Variants in P2RY6 observed in about 807,000 individuals in gnomAD.
The protein encoded by P2RY6 is pyrimidinergic receptor P2Y6, also known as P2Y purinoceptor 6.
P2RY6 carries 19 observed loss-of-function variants against 16.3 expected under a neutral mutation model. That is an observed-to-expected ratio of 1.16 (90% CI 0.81 to 1.71). P2RY6 has a LOEUF of 1.71. P2RY6 is among the 40% of genes most tolerant of loss of function. P2RY6 has a pLI of 0.00. For synonymous variants in P2RY6, 184 were observed against 201.5 expected, an observed-to-expected ratio of 0.91 and a Z score of 0.74; for missense variants, 389 against 455.5, an observed-to-expected ratio of 0.85 and a Z score of 1.33.
At chr11:73,268,314 C>T (rs1248434478), upstream of P2RY6, among the ~76,000 whole-genome samples, 1 of 152,198 alleles carries the variant, frequency 6.6e-6, no homozygotes, top group Non-Finnish European at 1.5e-5. Flanking sequence ...GGGAAAACCT[C>T]TGTGGCTCAG....
intron 1 of P2RY6, among the ~76,000 whole-genome samples, chr11:73,277,116 ATTT>A (rs11354080): frequency 6.9e-6 from 1 of 145,930 alleles, no homozygotes. Context: ...AGAAATACAG[ATTT>A]TTTTTTTTTT....
chr11:73,297,433 G>A lies in P2RY6; in HGVS notation c.915G>A (p.Gln305=), dbSNP rs754771310. ...VLDPILFYFT[Q]KKFRRRPHEL... ...ACCCCATCCTCTTCTACTTCACCCA[G>A]AAGAAGTTCCGCCGGCGACCACATG... The change falls in exon 3 of 3, where the codon CAG becomes CAA. Residue 305 remains glutamine, a synonymous_variant. Transcript: ENST00000540124. 1 of 1,612,580 alleles carries A rather than the reference G, an allele frequency of 6.2e-7. No individual in the cohort carries two copies. Among genetic ancestry groups the A allele is most frequent in the Admixed American group, 1.7e-5 (1 of 60,028 alleles).
chr11:73,287,189 G>A (rs529572913), intron 1 of P2RY6, among the ~76,000 whole-genome samples: 3 of 152,304 alleles, frequency 2.0e-5, no homozygotes, highest in Non-Finnish European at 2.9e-5. Flanking sequence ...CAGTATCTCC[G>A]TCGCCCAGGA....
chr11:73,276,978 C>T (rs1461825887), intron 1 of P2RY6, among the ~76,000 whole-genome samples: 2 of 152,126 alleles, frequency 1.3e-5, no homozygotes, highest in Non-Finnish European at 2.9e-5. Flanking sequence ...CTGTGAGTTT[C>T]CTGGCAGCTG....
chr11:73,297,386 G>A lies in P2RY6; in HGVS notation c.868G>A (p.Ala290Thr). 6.2e-7 allele frequency: 1 copy of A among 1,612,250 alleles called. No individual in the cohort carries two copies. Among genetic ancestry groups the A allele is most frequent in the Non-Finnish European group, 8.5e-7 (1 of 1,180,036 alleles). The change falls in exon 3 of 3, where the codon GCC becomes ACC. Residue 290 changes from alanine to threonine, a missense_variant. Coordinates refer to ENST00000540124, the MANE Select transcript of P2RY6 (RefSeq NM_001277204.2). ...AAAYKGTRPF[A>T]SANSVLDPIL... ...GGCCTACAAAGGCACGCGGCCGTTTGCCAGTGCCAACAGCGTGCTGGACCC... is the reference window on the plus strand; with the variant it reads ...GGCCTACAAAGGCACGCGGCCGTTTACCAGTGCCAACAGCGTGCTGGACCC...
intron 1 of P2RY6, among the ~76,000 whole-genome samples, chr11:73,276,842 A>G (rs1442432223): frequency 1.3e-5 from 2 of 152,218 alleles, no homozygotes; most frequent in East Asian, 3.9e-4. Context: ...GTCCACTTTG[A>G]AAGGCTGAAT....
At chr11:73,281,205 T>G (rs1039493764) in intron 1 of P2RY6, among the ~76,000 whole-genome samples, 1 of 152,168 alleles carries the variant, frequency 6.6e-6, no homozygotes, top group Non-Finnish European at 1.5e-5. Context: ...GGCCAGTAAC[T>G]ATGTCTGCTA....
chr11:73,289,391 C>T (rs958333716), intron 1 of P2RY6: 2 of 152,048 alleles, frequency 1.3e-5, no homozygotes, highest in African/African-American at 2.4e-5. Flanking sequence ...CTGACCCTGT[C>T]GTCCCTGCCA....
intron 1 of P2RY6, among the ~76,000 whole-genome samples, chr11:73,280,170 A>C (rs1028594113): frequency 3.3e-5 from 5 of 152,096 alleles, no homozygotes; most frequent in Admixed American, 6.5e-5. Context: ...GGCTAAGAAT[A>C]TGCACTCTGG....
upstream of P2RY6, among the ~76,000 whole-genome samples, chr11:73,268,379 T>C (rs1863175118): frequency 6.6e-6 from 1 of 152,130 alleles, no homozygotes; most frequent in Non-Finnish European, 1.5e-5. Flanking sequence ...ATCCCAAAAC[T>C]TTGGGAGGCT....
At chr11:73,268,186 A>G (rs12790863), upstream of P2RY6, among the ~76,000 whole-genome samples, 36,901 of 152,146 alleles carry the variant, frequency 0.24, 6,112 homozygotes, top group African/African-American at 0.47. Context: ...TTGCACCCAC[A>G]GGCATGTGCT....
At chr11:73,277,308 T>A (rs1422592372) in intron 1 of P2RY6, among the ~76,000 whole-genome samples, 1 of 117,910 alleles carries the variant, frequency 8.5e-6, no homozygotes, top group Non-Finnish European at 1.7e-5. Flanking sequence ...GAGACAGAGT[T>A]TCACCATGTT....
At chr11:73,291,660 CT>C (rs759026103) in intron 1 of P2RY6, among the ~76,000 whole-genome samples, 3 of 152,202 alleles carry the variant, frequency 2.0e-5, no homozygotes, top group Non-Finnish European at 4.4e-5. Flanking sequence ...GTAAAAATGG[CT>C]TTGGGGTGAG....
intron 1 of P2RY6, among the ~76,000 whole-genome samples, chr11:73,266,255 A>G (rs1158229983): frequency 6.6e-6 from 1 of 152,174 alleles, no homozygotes; most frequent in East Asian, 1.9e-4. Context: ...AGGACAATGC[A>G]GGTCTCTGTC....
In P2RY6 at chr11:73,297,091, C is replaced by T. The variant is rs900110897; in HGVS notation, c.573C>T (p.Pro191=). 4 of 1,603,102 alleles carry T rather than the reference C, an allele frequency of 2.5e-6. No homozygotes were observed. Among genetic ancestry groups the T allele is most frequent in the South Asian group, 2.2e-5 (2 of 91,094 alleles). ...SPPALATHYM[P]YGMALTVIGF... is the part of the protein sequence containing the mutation. The stretch of plus-strand genomic sequence containing the variant: ...CTGCCCTGGCCACCCACTATATGCC[C>T]TATGGCATGGCTCTCACTGTCATCG... Residue 191 remains proline, a synonymous_variant, in exon 3 of 3, where the codon CCC becomes CCT. Coordinates refer to ENST00000540124, the MANE Select transcript of P2RY6 (RefSeq NM_001277204.2).
chr11:73,294,991 CCACT>C (rs1401959096), intron 1 of P2RY6, among the ~76,000 whole-genome samples: 1 of 152,196 alleles, frequency 6.6e-6, no homozygotes, highest in Non-Finnish European at 1.5e-5. Flanking sequence ...CCTTTACCAC[CCACT>C]GAGTGCATTT....
chr11:73,294,023 C>T (rs762513036), intron 1 of P2RY6, among the ~76,000 whole-genome samples: 36 of 152,126 alleles, frequency 2.4e-4, no homozygotes, highest in African/African-American at 5.8e-4. Flanking sequence ...CCAGCCCCAC[C>T]GAACCAGCAG....
intron 1 of P2RY6, among the ~76,000 whole-genome samples, chr11:73,273,215 GAC>G (rs1011651577): frequency 2.0e-5 from 3 of 151,976 alleles, no homozygotes; most frequent in Admixed American, 1.3e-4. Flanking sequence ...TGCTGACACC[GAC>G]ACAGAGAAAA....
intron 1 of P2RY6, among the ~76,000 whole-genome samples, chr11:73,277,069 C>T (rs183077199): frequency 9.9e-5 from 15 of 152,166 alleles, no homozygotes; most frequent in African/African-American, 3.4e-4. Flanking sequence ...TTCCTATAAA[C>T]CCAAGTTGGC....
Sources: gnomAD v4.1 joint callset for allele counts (sites outside exome capture counted in the v4.1 genomes callset) on GRCh38, gnomAD v4.1.1 for gene constraint, MANE v1.5 for transcripts, NCBI Gene and HGNC (gene_info 2026-07-23, HGNC 2026-07-21) for gene names.